KLRG1: variants seen among roughly 807,000 people sequenced by gnomAD.
KLRG1 encodes killer cell lectin like receptor G1.
KLRG1 carries 16 observed loss-of-function variants against 21.8 expected under a neutral mutation model. The ratio of observed to expected loss-of-function variants is 0.73; its 90% CI spans 0.50 to 1.11. KLRG1 has a LOEUF of 1.11. Among genes scored for constraint, KLRG1 ranks in the 50% most tolerant of loss-of-function variants. The pLI is 0.00. For synonymous variants in KLRG1, 69 were observed against 75.9 expected (o/e 0.91, Z 0.47); for missense variants, 173 against 218.3 (o/e 0.79, Z 1.31).
At chr12:8,995,029 C>A (rs1284254671) in intron 2 of KLRG1, 90 bp from the exon 3 acceptor site, 2 of 1,214,482 alleles carry the variant, frequency 1.6e-6, no homozygotes, top group Non-Finnish European at 2.3e-6. Context: ...CAGGGAAGAC[C>A]CAGGGCTGCC....
At chr12:9,095,618 C>T in the KLRG1 span, 176 of 1,611,186 alleles carry the variant, frequency 1.1e-4, 1 homozygote, top group Admixed American at 6.7e-5. Flanking sequence ...GACATTATGA[C>T]GATTGATGCA....
the KLRG1 span, among the ~76,000 whole-genome samples, chr12:9,147,920 GT>G: frequency 1.2e-4 from 18 of 149,112 alleles, no homozygotes; most frequent in East Asian, 3.9e-4. Context: ...GAGGTGACCA[GT>G]TTTTTTTTTC....
chr12:9,110,388 C>A, the KLRG1 span: 1 of 1,178,526 alleles, frequency 8.5e-7, no homozygotes. Flanking sequence ...ATTCTTAAAT[C>A]TCATTTATAA....
At chr12:8,962,983 T>C (rs1946405620) in intron 1 of KLRG1, among the ~76,000 whole-genome samples, 2 of 152,174 alleles carry the variant, frequency 1.3e-5, no homozygotes, top group African/African-American at 4.8e-5. Flanking sequence ...TGAAAAATTA[T>C]ATATACTGAG....
chr12:9,161,415 T>A, the KLRG1 span, among the ~76,000 whole-genome samples: 2 of 152,228 alleles, frequency 1.3e-5, no homozygotes, highest in Non-Finnish European at 2.9e-5. Context: ...GTGCAAGGAA[T>A]AAGAATTTGA....
intron 2 of KLRG1, among the ~76,000 whole-genome samples, chr12:8,992,670 T>A (rs1176113976): frequency 2.0e-5 from 3 of 152,116 alleles, no homozygotes; most frequent in South Asian, 4.1e-4. Context: ...CACAGGCACA[T>A]ACCACCATGC....
intron 3 of KLRG1, among the ~76,000 whole-genome samples, chr12:8,999,117 T>A (rs1234553836): frequency 6.6e-6 from 1 of 152,128 alleles, no homozygotes; most frequent in East Asian, 1.9e-4. Context: ...TCTCTGTTAT[T>A]TTCTCATTTT....
the KLRG1 span, among the ~76,000 whole-genome samples, chr12:9,127,402 C>G: frequency 2.0e-5 from 3 of 152,090 alleles, no homozygotes; most frequent in East Asian, 5.8e-4. Context: ...TTTTTTGGGT[C>G]CCCTCATAGC....
Position 9,009,528 on chromosome 12 carries a change from C to G in KLRG1, c.561C>G (p.Val187=). 1 of 1,613,802 alleles carries G rather than the reference C, an allele frequency of 6.2e-7. No individual in the cohort carries two copies. Among genetic ancestry groups the G allele is most frequent in the South Asian group, 1.1e-5 (1 of 91,042 alleles). The change falls in exon 5 of 5, where the codon GTC becomes GTG. Residue 187 remains valine, a synonymous_variant. Coordinates refer to ENST00000356986, the MANE Select transcript of KLRG1 (RefSeq NM_005810.4). ...EVPLHWVCKK[V]RL The stretch of plus-strand genomic sequence containing the variant: ...CTTTACACTGGGTGTGTAAGAAGGT[C>G]AGACTTTGATAGATGACCACTCTGT...
the KLRG1 span, among the ~76,000 whole-genome samples, chr12:9,121,068 T>C: frequency 3.2e-4 from 49 of 152,116 alleles, 1 homozygote; most frequent in African/African-American, 1.1e-3. The surrounding 1 kb of genome is among the most constrained non-coding windows in gnomAD (Gnocchi z 4.4). Context: ...AAGCTTTTTA[T>C]GGAGACAGGG....
intron 3 of KLRG1, among the ~76,000 whole-genome samples, chr12:9,002,222 A>G (rs915601217): frequency 6.6e-6 from 1 of 152,146 alleles, no homozygotes; most frequent in Non-Finnish European, 1.5e-5. Context: ...GTTTTTCTTA[A>G]TATGGGTTGA....
chr12:9,009,869 T>C lies in KLRG1; in HGVS notation c.*332T>C. ...CTCTGTCAAAAATATACCTTTTTCA[T>C]ATGATATTCTGAGCTAATCTGATAA... On this transcript the variant is annotated 3_prime_UTR_variant, in exon 5 of 5. Transcript: ENST00000356986. 1.4e-6 allele frequency: 2 copies of C among 1,481,310 alleles called. No homozygotes were observed. Among genetic ancestry groups the C allele is most frequent in the South Asian group, 1.3e-5 (1 of 76,444 alleles). 91.8% of individuals were successfully genotyped at this position (1,481,310 alleles called of 1,614,324 possible).
At chr12:9,110,138 G>T in the KLRG1 span, 1 of 1,291,202 alleles carries the variant, frequency 7.7e-7, no homozygotes. Context: ...AGGTCAAATG[G>T]GGTAGTAGTA....
chr12:9,034,532 G>A, the KLRG1 span, among the ~76,000 whole-genome samples: 194 of 147,312 alleles, frequency 1.3e-3, no homozygotes, highest in Non-Finnish European at 2.0e-3. Flanking sequence ...TGCAACCTCC[G>A]CCTCCCCGGT....
intron 1 of KLRG1, among the ~76,000 whole-genome samples, chr12:8,971,679 C>T (rs1470586197): frequency 3.3e-5 from 5 of 150,988 alleles, no homozygotes; most frequent in African/African-American, 4.9e-5. Flanking sequence ...TCAGTAGAGA[C>T]GGGGTTTCAC....
At chr12:9,098,774 A>G in the KLRG1 span, 6 of 1,609,816 alleles carry the variant, frequency 3.7e-6, no homozygotes, top group Admixed American at 6.7e-5. Context: ...ATTGGAACAA[A>G]AGGTCAGAAA....
rs1473620219 is a variant in KLRG1 at position 8,999,586 on chromosome 12, A to C, written c.357+4298A>C. Among the ~76,000 whole-genome samples, 3 of 152,306 alleles carry C rather than the reference A, an allele frequency of 2.0e-5. No homozygotes were observed. In the East Asian group the frequency reaches 5.8e-4, roughly 29 times the overall value. ...ATGCAAACACTATGGTAACATGGTC[A>C]CTTTTCTGTATATTTTTAATCAGGT... On this transcript the variant is annotated intron_variant, in intron 3 of 4. Coordinates refer to ENST00000356986, the MANE Select transcript of KLRG1 (RefSeq NM_005810.4).
intron 1 of KLRG1, among the ~76,000 whole-genome samples, chr12:8,958,990 G>A (rs975828128): frequency 6.6e-6 from 1 of 152,158 alleles, no homozygotes; most frequent in Non-Finnish European, 1.5e-5. Context: ...AGAACTATAA[G>A]TAATGAGAGA....
chr12:9,093,787 G>A, the KLRG1 span, among the ~76,000 whole-genome samples: 20 of 149,738 alleles, frequency 1.3e-4, 1 homozygote, highest in South Asian at 2.9e-3. Context: ...GAGGCCGGGC[G>A]CGGTGGCTCA....
Sources: gnomAD v4.1 joint callset for allele counts (sites outside exome capture counted in the v4.1 genomes callset) on GRCh38, gnomAD v4.1.1 for gene constraint, Gnocchi (gnomAD v3.1) non-coding constraint, MANE v1.5 for transcripts, NCBI Gene and HGNC (gene_info 2026-07-23, HGNC 2026-07-21) for gene names.